MTMR7: variants seen among roughly 807,000 people sequenced by gnomAD.
MTMR7 encodes phosphatidylinositol-3-phosphate phosphatase MTMR7.
A neutral mutation model predicts 81.2 loss-of-function variants in MTMR7; 76 were observed. The observed-to-expected ratio is 0.94, with a 90% CI of 0.78 to 1.13. The LOEUF (loss-of-function observed/expected upper bound fraction) is 1.13. Among genes scored for constraint, MTMR7 ranks in the 50% most tolerant of loss-of-function variants. The pLI, the probability that MTMR7 is intolerant of heterozygous loss-of-function variation, is 0.00. For synonymous variants in MTMR7, 372 were observed against 289.8 expected, an observed-to-expected ratio of 1.28 and a Z score of -2.88; for missense variants, 1,044 against 820.0, an observed-to-expected ratio of 1.27 and a Z score of -3.34.
intron 1 of MTMR7, among the ~76,000 whole-genome samples, chr8:17,386,423 G>A (rs913709308): frequency 1.3e-5 from 2 of 152,204 alleles, no homozygotes; most frequent in African/African-American, 4.8e-5. Flanking sequence ...GCCCACAGAT[G>A]ATCTGATTCC....
At chr8:17,317,780 C>T (rs1299913576) in intron 7 of MTMR7, among the ~76,000 whole-genome samples, 1 of 152,204 alleles carries the variant, frequency 6.6e-6, no homozygotes, top group Non-Finnish European at 1.5e-5. Context: ...GTTTCTCATA[C>T]TTCCGCCATA....
At chr8:17,371,513 T>G (rs1468778162) in intron 2 of MTMR7, among the ~76,000 whole-genome samples, 1 of 152,208 alleles carries the variant, frequency 6.6e-6, no homozygotes, top group Non-Finnish European at 1.5e-5. Context: ...ATGCGCTTAA[T>G]AGCTAAAATT....
intron 1 of MTMR7, among the ~76,000 whole-genome samples, chr8:17,395,279 A>G (rs1470800853): frequency 1.3e-5 from 2 of 152,180 alleles, no homozygotes; most frequent in Non-Finnish European, 2.9e-5. Flanking sequence ...ATAATATTCC[A>G]TTGCATGTAC....
chr8:17,399,236 A>T (rs577515238), intron 1 of MTMR7, among the ~76,000 whole-genome samples: 44 of 152,302 alleles, frequency 2.9e-4, no homozygotes, highest in African/African-American at 1.0e-3. Context: ...GGAAAAACCT[A>T]AAGACTCCAC....
At position 17,373,133 on chromosome 8, in the gene MTMR7, TG is replaced by T. The variant is rs1820469937; in HGVS notation, c.131del (p.Pro44GlnfsTer28). 1 of 1,613,774 alleles carries T rather than the reference TG, an allele frequency of 6.2e-7. No homozygotes were observed. Among genetic ancestry groups the T allele is most frequent in the Admixed American group, 1.7e-5 (1 of 59,988 alleles). On this transcript the variant is annotated frameshift_variant, in exon 2 of 14. Transcript: ENST00000180173. LOFTEE classifies it high-confidence loss of function. ...GAAAGCATACCCATGTTTCTTTTCTTGGGTCAGGTGAATTTTCCACGAATAT... is the reference window on the plus strand; with the variant it reads ...GAAAGCATACCCATGTTTCTTTTCTTGGTCAGGTGAATTTTCCACGAATAT... ...HVIFVENSPDPRKETWILHSQ... is the reference protein window; with the variant it reads ...HVIFVENSPDXRKETWILHSQ...
At chr8:17,304,019 G>C (rs1321102148) in intron 12 of MTMR7, among the ~76,000 whole-genome samples, 1 of 152,130 alleles carries the variant, frequency 6.6e-6, no homozygotes, top group Non-Finnish European at 1.5e-5. Context: ...AATTATTTTT[G>C]CTCCAACCTT....
At chr8:17,302,657 T>C (rs1447933508) in intron 12 of MTMR7, among the ~76,000 whole-genome samples, 3 of 150,358 alleles carry the variant, frequency 2.0e-5, no homozygotes, top group Non-Finnish European at 4.4e-5. Flanking sequence ...GCAGCTTTTA[T>C]CTTTTGTATC....
chr8:17,309,381 CCA>C, intron 9 of MTMR7, 55 bp from the exon 10 acceptor site: 1 of 1,175,106 alleles, frequency 8.5e-7, no homozygotes, highest in Non-Finnish European at 1.3e-6. Flanking sequence ...AAATAAGAGA[CCA>C]CACAACCAAT....
chr8:17,332,035 GAAGGGGAC>G (rs144737260), intron 6 of MTMR7, among the ~76,000 whole-genome samples: 2,459 of 152,288 alleles, frequency 0.016, 74 homozygotes, highest in African/African-American at 0.057. Flanking sequence ...CTAAAATCAA[GAAGGGGAC>G]AAGTCCTACT....
At chr8:17,373,636 A>T (rs1409067769) in intron 1 of MTMR7, among the ~76,000 whole-genome samples, 2 of 152,232 alleles carry the variant, frequency 1.3e-5, no homozygotes, top group African/African-American at 4.8e-5. Flanking sequence ...AAAAGAAAAA[A>T]GCACATTTTC....
At chr8:17,353,030 G>A (rs1406328314) in intron 4 of MTMR7, among the ~76,000 whole-genome samples, 4 of 152,166 alleles carry the variant, frequency 2.6e-5, no homozygotes, top group Non-Finnish European at 5.9e-5. Flanking sequence ...CAGCCAAGAG[G>A]TGGAAGCAAC....
At chr8:17,345,921 C>A (rs1199746612) in intron 5 of MTMR7, 3 of 152,146 alleles carry the variant, frequency 2.0e-5, no homozygotes, top group African/African-American at 7.2e-5. Context: ...AGCATAAATT[C>A]TTTGGGGGTA....
At chr8:17,385,013 G>T (rs1820886338) in intron 1 of MTMR7, among the ~76,000 whole-genome samples, 1 of 152,156 alleles carries the variant, frequency 6.6e-6, no homozygotes. Flanking sequence ...AAAAATGCTG[G>T]TGGGATGCAC....
chr8:17,298,086 A>G lies in MTMR7; in HGVS notation c.*1776T>C, dbSNP rs1042809767. The G allele has an allele frequency of 6.6e-6, 1 of 152,074 alleles. No individual in the cohort carries two copies. The highest frequency in any genetic ancestry group is 1.5e-5 in the Non-Finnish European group (1 of 67,926). 9.4% of individuals were successfully genotyped at this position (152,074 alleles called of 1,614,324 possible). ...TTATAGACATACACTGTCAAACGGA[A>G]GAAATTAAAGCCACATCCTCAATAT... On this transcript the variant is annotated 3_prime_UTR_variant, in exon 14 of 14. Transcript: ENST00000180173.
At chr8:17,346,948 A>G (rs534348664) in intron 5 of MTMR7, among the ~76,000 whole-genome samples, 1 of 150,580 alleles carries the variant, frequency 6.6e-6, no homozygotes, top group East Asian at 2.0e-4. Context: ...TAATCCCAGC[A>G]CTTTGGGAGG....
rs527418693 is a variant in MTMR7 at position 17,392,021 on chromosome 8, A to G, written c.25-18781T>C. ...GGCCTAAGAAATATGGTACAAAATG[A>G]GCTTCTTGGACTCCCTCTGAGTGCA... On this transcript the variant is annotated intron_variant, in intron 1 of 13. Transcript: ENST00000180173. Among the ~76,000 whole-genome samples, 88 of 152,264 alleles carry G rather than the reference A, an allele frequency of 5.8e-4. 1 individual carries two copies. The highest frequency in any genetic ancestry group is 2.1e-3 in the African/African-American group (86 of 41,536).
rs73666108 is a variant in MTMR7, at chr8:17,313,875, T to C, written c.866-474A>G. Among the ~76,000 whole-genome samples, 1,077 of 152,292 alleles carry C rather than the reference T, an allele frequency of 7.1e-3. 26 individuals carry two copies. The highest frequency in any genetic ancestry group is 0.025 in the African/African-American group (1,044 of 41,558). ...GTAAAAACACAAGACAGAGCGATCC[T>C]AAATTTCTTAAATGAAAATGATCAA... On this transcript the variant is annotated intron_variant, in intron 7 of 13. Coordinates refer to ENST00000180173, the MANE Select transcript of MTMR7 (RefSeq NM_004686.5).
At chr8:17,399,572 T>G (rs1821360689) in intron 1 of MTMR7, among the ~76,000 whole-genome samples, 1 of 152,004 alleles carries the variant, frequency 6.6e-6, no homozygotes, top group South Asian at 2.1e-4. Context: ...ATCTACAAAT[T>G]CAATACAATC....
chr8:17,366,886 A>AAAAAAAAAAAACAAAC (rs1820242526), intron 3 of MTMR7, among the ~76,000 whole-genome samples: 1 of 120,840 alleles, frequency 8.3e-6, no homozygotes, highest in African/African-American at 3.4e-5. Context: ...ACTCCATCTC[A>AAAAAAAAAAAACAAAC]AAAAAAAAAA....
Sources: gnomAD v4.1 joint callset for allele counts (sites outside exome capture counted in the v4.1 genomes callset) on GRCh38, gnomAD v4.1.1 for gene constraint, MANE v1.5 for transcripts, NCBI Gene and HGNC (gene_info 2026-07-23, HGNC 2026-07-21) for gene names.